Variants in EIF4G1 observed in about 807,000 individuals in gnomAD.
EIF4G1 encodes the protein EIF4-gamma.
EIF4G1 carries 4 observed loss-of-function variants against 187.8 expected under a neutral mutation model. The ratio of observed to expected loss-of-function variants is 0.02; its 90% confidence interval spans 0.01 to 0.05. The LOEUF is 0.05. Ranked by LOEUF, EIF4G1 falls within the 10% of genes least tolerant of loss-of-function variation. EIF4G1 has a pLI of 1.00. For missense variants in EIF4G1, 1,647 were observed against 2,081.1 expected, an observed-to-expected ratio of 0.79 and a Z score of 4.06; for synonymous variants, 844 against 781.4, an observed-to-expected ratio of 1.08 and a Z score of -1.34.
In EIF4G1 at chr3:184,317,478, C is replaced by G. The variant is rs1268668295; in HGVS notation, c.305C>G (p.Ala102Gly). 1 of 1,613,912 alleles carries G rather than the reference C, an allele frequency of 6.2e-7. No homozygotes were observed. The change falls in exon 5 of 33, where the codon GCC (alanine) becomes GGC (glycine). Residue 102 changes from alanine to glycine, a missense_variant. By Grantham distance (60) the Ala-to-Gly change is moderately conservative. This residue lies in a region of EIF4G1 where 139 missense variants were observed against 187.3 expected (regional missense o/e 0.74). Coordinates refer to ENST00000346169, the MANE Select transcript of EIF4G1 (RefSeq NM_198241.3). ...ATCTCCTACCCAGCCTCCCAGGGGG[C>G]CTACTACATCCCTGGACAGGTGAGG... ...SQISYPASQG[A>G]YYIPGQGRST...
Position 184,317,491 on chromosome 3 carries a change from T to C in EIF4G1, c.318T>C (p.Pro106=). 12 of 1,613,964 alleles carry C rather than the reference T, an allele frequency of 7.4e-6. No homozygotes were observed. Among genetic ancestry groups the C allele is most frequent in the Non-Finnish European group, 1.0e-5 (12 of 1,179,962 alleles). Residue 106 remains proline (P), a synonymous_variant, in exon 5 of 33, where the codon CCT becomes CCC. Transcript: ENST00000346169. ...CCTCCCAGGGGGCCTACTACATCCCTGGACAGGTGAGGCTGGGGGCTTGGA... is the reference window on the plus strand; with the variant it reads ...CCTCCCAGGGGGCCTACTACATCCCCGGACAGGTGAGGCTGGGGGCTTGGA... ...YPASQGAYYI[P]GQGRSTYVVP...
intron 9 of EIF4G1, 53 bp downstream of exon 9, chr3:184,321,046 T>C (rs1723814564): frequency 4.4e-6 from 7 of 1,595,444 alleles, no homozygotes; most frequent in Non-Finnish European, 5.1e-6. Context: ...TGTTAACAGT[T>C]AAATGCTGAG....
chr3:184,321,972 A>G lies in EIF4G1; in HGVS notation c.1388A>G (p.Glu463Gly), dbSNP rs751259280. The change falls in exon 10 of 33, where the codon GAG becomes GGG. Residue 463 changes from glutamate (E) to glycine (G), a missense_variant. This residue lies in a region of EIF4G1 where 522 missense variants were observed against 485.2 expected (regional missense o/e 1.08). Transcript: ENST00000346169. ...QEEEMEEEEE[E>G]EEGEAGEAGE... The stretch of plus-strand genomic sequence containing the variant: ...GAGGAAATGGAAGAAGAAGAAGAAG[A>G]GGAAGAAGGAGAAGCAGGAGAAGCA... 7.5e-5 allele frequency: 121 copies of G among 1,613,938 alleles called. 1 individual carries two copies. The East Asian group carries it at 2.2e-3, about 29-fold the overall frequency.
intron 1 of EIF4G1, 200 bp from the exon 2 acceptor site, chr3:184,315,289 C>T: frequency 2.1e-6 from 1 of 465,570 alleles, no homozygotes; most frequent in Non-Finnish European, 4.3e-6. Flanking sequence ...GTGCGGGTTC[C>T]CCGGCGGCAG....
At chr3:184,326,480 A>G (rs377358516) in intron 21 of EIF4G1, 47 bp from the exon 22 acceptor site, 1 of 1,603,070 alleles carries the variant, frequency 6.2e-7, no homozygotes, top group Non-Finnish European at 8.5e-7. Context: ...TGGCCAAGGG[A>G]CTCAGCCGGG....
At position 184,327,868 on chromosome 3, in the gene EIF4G1, C is replaced by T. The variant is rs753805294; in HGVS notation, c.3819C>T (p.Ser1273=). The change falls in exon 26 of 33, where the codon TCC becomes TCT. Residue 1273 remains serine (S), a synonymous_variant. Transcript: ENST00000346169. ...VQCVQELASP[S]LLFIFVRHGV... is the part of the protein sequence containing the mutation. ...GCGTGCAGGAGCTGGCCTCACCCTC[C>T]TTGCTCTTCATCTTTGTACGGCATG... 102 of 1,613,882 alleles carry T rather than the reference C, an allele frequency of 6.3e-5. No homozygotes were observed. Among genetic ancestry groups the T allele is most frequent in the Non-Finnish European group, 8.1e-5 (95 of 1,180,040 alleles).
Position 184,316,564 on chromosome 3 carries a change from A to C in EIF4G1, c.147+346A>C. 3 of 767,160 alleles carry C rather than the reference A, an allele frequency of 3.9e-6. No individual in the cohort carries two copies. The South Asian group carries it at 5.3e-5, about 14-fold the overall frequency. 47.5% of individuals were successfully genotyped at this position (767,160 alleles called of 1,614,324 possible). A position where few individuals can be genotyped will look rare whatever the true frequency, so the allele number is the denominator to read the frequency against. ...TTCTCTTTGGACTGTGGTGAGGTAA[A>C]CACTCCAGCTGGTCCTTGCCTTTCT... On this transcript the variant is annotated intron_variant, in intron 4 of 32. Transcript: ENST00000346169.
chr3:184,331,407 C>T, intron 29 of EIF4G1, 43 bp downstream of exon 29: 3 of 1,614,172 alleles, frequency 1.9e-6, no homozygotes, highest in African/African-American at 1.3e-5. Context: ...TTGAGGCTGG[C>T]CAGTCTTCTT....
chr3:184,325,820 T>C lies in EIF4G1; in HGVS notation c.3122-31T>C. Reference sequence around the variant, plus strand: ...GGAAGGGGCTGCTAGGATTTATTCATTATTCCAGTATGCCCCTCTTTTTGT... The same window carrying C: ...GGAAGGGGCTGCTAGGATTTATTCACTATTCCAGTATGCCCCTCTTTTTGT... On this transcript the variant is annotated intron_variant, in intron 20 of 32. Transcript: ENST00000346169. This position sits in a 1 kb window ranked among gnomAD's most constrained non-coding sequence, Gnocchi z 5.2. 1 of 1,614,000 alleles carries C rather than the reference T, an allele frequency of 6.2e-7. No individual in the cohort carries two copies. Among genetic ancestry groups the C allele is most frequent in the South Asian group, 1.1e-5 (1 of 91,066 alleles).
intron 24 of EIF4G1, 35 bp downstream of exon 24, chr3:184,327,483 T>C (rs1445004054): frequency 3.1e-6 from 5 of 1,612,148 alleles, no homozygotes; most frequent in Admixed American, 1.7e-5. Context: ...GGGAAAGGCA[T>C]TGGCTGCCTT....
At chr3:184,320,529 C>A in intron 7 of EIF4G1, 101 bp from the exon 8 acceptor site, 2 of 1,599,584 alleles carry the variant, frequency 1.3e-6, no homozygotes, top group East Asian at 2.2e-5. Flanking sequence ...ACCTGCTTCC[C>A]GCTGGGGGGT....
At position 184,322,836 on chromosome 3, in the gene EIF4G1, T is replaced by C; in HGVS notation, c.1811T>C (p.Leu604Pro). The stretch of plus-strand genomic sequence containing the variant: ...TTCCTTGCAGATCAGTGGAAGCCTC[T>C]AAACCTAGAGGAGAAAAAACGTTAC... ...YEYKSDQWKP[L>P]NLEEKKRYDR... The change falls in exon 13 of 33, where the codon CTA becomes CCA. Residue 604 changes from leucine (L) to proline (P), a missense_variant. By Grantham distance (98) the Leu-to-Pro change is moderately conservative. Transcript: ENST00000346169. 2 of 1,614,242 alleles carry C rather than the reference T, an allele frequency of 1.2e-6. No individual in the cohort carries two copies. Among genetic ancestry groups the C allele is most frequent in the Non-Finnish European group, 1.7e-6 (2 of 1,180,048 alleles).
intron 1 of EIF4G1, among the ~76,000 whole-genome samples, 163 bp downstream of exon 1, chr3:184,314,837 C>T (rs1722422695): frequency 6.7e-6 from 1 of 149,692 alleles, no homozygotes; most frequent in Non-Finnish European, 1.5e-5. Context: ...CCCCGGCCCA[C>T]GTGTGCCTGG....
intron 23 of EIF4G1, 102 bp downstream of exon 23, chr3:184,327,085 G>T: frequency 6.3e-7 from 1 of 1,576,268 alleles, no homozygotes; most frequent in Non-Finnish European, 8.7e-7. Flanking sequence ...GTCCTGGTTG[G>T]AGCCCTTGGG....
Position 184,328,974 on chromosome 3 carries a change from T to C in EIF4G1, c.4145T>C (p.Leu1382Pro), listed in dbSNP as rs1338923651. Reference protein sequence around the residue: ...AASLLLEILGLLCKSMGPKKV... With the variant: ...AASLLLEILGPLCKSMGPKKV... ...TCCCTGTTGCTGGAGATCCTGGGCC[T>C]CCTGTGCAAAAGCATGGTGAGTGAG... is the stretch of plus-strand genomic sequence containing the variant. The change falls in exon 28 of 33, where the codon CTC (leucine) becomes CCC (proline). Residue 1382 changes from leucine to proline, a missense_variant. Physicochemically the swap from Leu to Pro is moderately conservative, Grantham distance 98 (BLOSUM62 -3). Around this residue, in one of 11 missense-constraint regions of EIF4G1, gnomAD observed 543 missense variants for 638.0 expected, o/e 0.85. Transcript: ENST00000346169. 2.5e-6 allele frequency: 4 copies of C among 1,614,164 alleles called. No individual in the cohort carries two copies. Among genetic ancestry groups the C allele is most frequent in the Non-Finnish European group, 3.4e-6 (4 of 1,180,030 alleles).
At chr3:184,328,553 C>T (rs1468136195) in intron 26 of EIF4G1, 78 bp from the exon 27 acceptor site, 2 of 1,602,436 alleles carry the variant, frequency 1.2e-6, no homozygotes, top group East Asian at 4.5e-5. Flanking sequence ...ATAGTTGATG[C>T]CCTAGCCATG....
chr3:184,320,725 A>ACT lies in EIF4G1; in HGVS notation c.630+4_630+5dup. Reference sequence around the variant, plus strand: ...CCTCCACACCCACCCCTCCCCAGGTACTGTCTGCTTTTCGAGTGATACCCT... The same window carrying ACT: ...CCTCCACACCCACCCCTCCCCAGGTACTCTGTCTGCTTTTCGAGTGATACCCT... On this transcript the variant is annotated splice_donor_region_variant and intron_variant, in intron 8 of 32. Transcript: ENST00000346169. 6.2e-7 allele frequency: 1 copy of ACT among 1,614,116 alleles called. No individual in the cohort carries two copies. Among genetic ancestry groups the ACT allele is most frequent in the East Asian group, 2.2e-5 (1 of 44,880 alleles).
intron 6 of EIF4G1, 43 bp downstream of exon 6, chr3:184,317,859 A>G (rs762596951): frequency 6.9e-6 from 10 of 1,455,786 alleles, no homozygotes; most frequent in Admixed American, 3.4e-5. Context: ...AGCCCAAGGG[A>G]GCATCTAAAC....
chr3:184,321,287 C>A lies in EIF4G1; in HGVS notation c.703C>A (p.Arg235=). 6.2e-7 allele frequency: 1 copy of A among 1,614,026 alleles called. No homozygotes were observed. The highest frequency in any genetic ancestry group is 8.5e-7 in the Non-Finnish European group (1 of 1,180,018). The change falls in exon 10 of 33, where the codon CGG becomes AGG. Residue 235 remains arginine (R), a synonymous_variant. Coordinates refer to ENST00000346169, the MANE Select transcript of EIF4G1 (RefSeq NM_198241.3). Reference sequence around the variant, plus strand: ...TCTTCCTTCCTATGGTGCAGATGACCGGTCACAGGGAGCAATCATTGCTGA... The same window carrying A: ...TCTTCCTTCCTATGGTGCAGATGACAGGTCACAGGGAGCAATCATTGCTGA... ...QVAVIVRPDD[R]SQGAIIADRP...
Sources: allele counts gnomAD v4.1 joint callset (sites outside exome capture counted in the v4.1 genomes callset), GRCh38; gene constraint gnomAD v4.1.1; regional missense constraint gnomAD v4.1.1; non-coding constraint Gnocchi (gnomAD v3.1); transcripts MANE v1.5; gene names NCBI Gene and HGNC (gene_info 2026-07-23, HGNC 2026-07-21).